The following ARHGEF3 variants were observed in gnomAD, a reference collection of about 807,000 sequenced individuals.
ARHGEF3 encodes the protein Rho guanine nucleotide exchange factor 3.
Under a neutral mutation model 63.2 loss-of-function variants are expected in ARHGEF3, and 28 were observed. The observed-to-expected ratio is 0.44, with a 90% CI of 0.33 to 0.61. The LOEUF (loss-of-function observed/expected upper bound fraction) is 0.61. ARHGEF3 is among the 20% of genes least tolerant of loss of function. The pLI is 0.03. For synonymous variants in ARHGEF3, 266 were observed against 254.2 expected (o/e 1.05, Z -0.44); for missense variants, 533 against 659.3 (o/e 0.81, Z 2.10).
At chr3:56,899,015 C>G (rs2041413315) in intron 3 of ARHGEF3, among the ~76,000 whole-genome samples, 1 of 152,220 alleles carries the variant, frequency 6.6e-6, no homozygotes, top group African/African-American at 2.4e-5. Flanking sequence ...GATTGCACCA[C>G]TGTACTCCAG....
chr3:56,732,086 A>G, intron 9 of ARHGEF3, 152 bp downstream of exon 9: 1 of 929,256 alleles, frequency 1.1e-6, no homozygotes, highest in South Asian at 1.6e-5. Flanking sequence ...CACAGGGACT[A>G]AACAAAGTAC....
intron 2 of ARHGEF3, among the ~76,000 whole-genome samples, chr3:57,010,956 G>C (rs1702673715): frequency 6.6e-6 from 1 of 152,184 alleles, no homozygotes; most frequent in Non-Finnish European, 1.5e-5. Context: ...AAACACAAAA[G>C]GGTGTTAACA....
Position 57,041,442 on chromosome 3 carries a change from C to G in ARHGEF3, c.-27-6266G>C, listed in dbSNP as rs943202736. Among the ~76,000 whole-genome samples, 12 of 152,322 alleles carry G rather than the reference C, an allele frequency of 7.9e-5. No individual in the cohort carries two copies. The East Asian group carries it at 2.3e-3, about 29-fold the overall frequency. ...ACCATCTGATTCCAGAGCCCATGCT[C>G]TTAAGCCAGACCCCACTCTGCTTCC... On this transcript the variant is annotated intron_variant, in intron 1 of 12. Coordinates refer to the ARHGEF3 transcript ENST00000338458.
In ARHGEF3 at chr3:56,863,256, G is replaced by A. The variant is rs1212694050; in HGVS notation, c.192+19036C>T. Among the ~76,000 whole-genome samples the A allele has an allele frequency of 4.0e-5, 6 of 151,334 alleles. 1 individual carries two copies. Among genetic ancestry groups the A allele is most frequent in the Admixed American group, 3.9e-4 (6 of 15,202 alleles). On this transcript the variant is annotated intron_variant, in intron 4 of 12. Transcript: ENST00000338458. ...ATGTTGAAGCAGTTCTCATGCCTCA[G>A]CCTTCCGAGTAGCTGGGATTCAGGT...
intron 3 of ARHGEF3, among the ~76,000 whole-genome samples, chr3:56,895,663 C>A (rs556112294): frequency 5.2e-4 from 79 of 152,186 alleles, no homozygotes; most frequent in African/African-American, 1.8e-3. Context: ...TGGAGTTTCA[C>A]TGTGTTAGCC....
rs772447002 is a variant in ARHGEF3, at chr3:56,882,285, TACTTAC to T, written c.192+1_192+6del. The T allele has an allele frequency of 3.2e-6, 5 of 1,551,510 alleles. No individual in the cohort carries two copies. In the African/African-American group the frequency reaches 6.8e-5, roughly 21 times the overall value. ...GTGCCAGTGGGGGAAGAAAGGACTA[TACTTAC>T]ACTTATGTCGAGACTGCAAAGGCTA... On this transcript the variant is annotated splice_donor_variant and splice_donor_5th_base_variant and intron_variant, in intron 4 of 12. Transcript: ENST00000338458. LOFTEE classifies it high-confidence loss of function.
intron 2 of ARHGEF3, among the ~76,000 whole-genome samples, chr3:56,999,192 G>C (rs2107007916): frequency 6.6e-6 from 1 of 152,150 alleles, no homozygotes; most frequent in East Asian, 1.9e-4. Flanking sequence ...CTGAGTAGCT[G>C]GGACTACAGG....
chr3:56,810,283 CCT>C (rs1038177046), intron 4 of ARHGEF3, among the ~76,000 whole-genome samples: 2 of 152,082 alleles, frequency 1.3e-5, no homozygotes, highest in African/African-American at 4.8e-5. Flanking sequence ...GTGGCTTACC[CCT>C]GTCATCTCAG....
intron 3 of ARHGEF3, among the ~76,000 whole-genome samples, chr3:56,924,659 T>G (rs1361756590): frequency 6.6e-6 from 1 of 152,216 alleles, no homozygotes; most frequent in Non-Finnish European, 1.5e-5. Flanking sequence ...GTTTGTAAAC[T>G]GTCATGGCAC....
intron 1 of ARHGEF3, among the ~76,000 whole-genome samples, chr3:56,787,090 G>A (rs2036856643): frequency 6.6e-6 from 1 of 152,158 alleles, no homozygotes; most frequent in Non-Finnish European, 1.5e-5. Context: ...CATCTACAGA[G>A]GGGAGGATTC....
At chr3:56,906,836 C>CAAA (rs573382270) in intron 3 of ARHGEF3, among the ~76,000 whole-genome samples, 2 of 96,796 alleles carry the variant, frequency 2.1e-5, no homozygotes, top group African/African-American at 7.7e-5. Flanking sequence ...GACTCTGTCT[C>CAAA]AAAAAAAAAA....
intron 2 of ARHGEF3, among the ~76,000 whole-genome samples, chr3:56,967,210 C>T (rs1578975103): frequency 7.3e-6 from 1 of 137,896 alleles, no homozygotes; most frequent in African/African-American, 2.7e-5. Context: ...TCATGTGAAC[C>T]ACATATGTAA....
chr3:56,916,679 A>G (rs2041999262), intron 3 of ARHGEF3, among the ~76,000 whole-genome samples: 1 of 152,226 alleles, frequency 6.6e-6, no homozygotes, highest in African/African-American at 2.4e-5. Flanking sequence ...AAGCAATGTG[A>G]AGCATCCCAT....
At chr3:56,767,424 A>G (rs1169381274) in intron 2 of ARHGEF3, among the ~76,000 whole-genome samples, 1 of 151,762 alleles carries the variant, frequency 6.6e-6, no homozygotes, top group Non-Finnish European at 1.5e-5. Context: ...CTACTAAAAA[A>G]TATTAAAAAA....
chr3:56,745,175 GAAGA>G lies in ARHGEF3; in HGVS notation c.870+26_870+29del, dbSNP rs761637444. On this transcript the variant is annotated intron_variant, in intron 7 of 9. Transcript: ENST00000296315. ...CCAGCCATTATGGTGGAAATAACAA[GAAGA>G]GAGAGAAGGAAACAGACAAACTTAC... 3.7e-6 allele frequency: 6 copies of G among 1,600,978 alleles called. No homozygotes were observed. The South Asian group carries it at 6.7e-5, about 18-fold the overall frequency.
intron 3 of ARHGEF3, among the ~76,000 whole-genome samples, chr3:56,922,203 G>A (rs1275974574): frequency 1.3e-5 from 2 of 152,072 alleles, no homozygotes; most frequent in African/African-American, 4.8e-5. Flanking sequence ...AGCACACAGG[G>A]GCCGCTTGCA....
intron 4 of ARHGEF3, among the ~76,000 whole-genome samples, chr3:56,839,350 T>A (rs1434572164): frequency 6.6e-6 from 1 of 152,142 alleles, no homozygotes; most frequent in Admixed American, 6.5e-5. Flanking sequence ...AATTTTTTTA[T>A]TTTCATTTTA....
At chr3:56,905,888 C>T (rs781464562) in intron 3 of ARHGEF3, among the ~76,000 whole-genome samples, 7 of 151,062 alleles carry the variant, frequency 4.6e-5, no homozygotes, top group South Asian at 2.1e-4. Context: ...TTTTTGGAGA[C>T]GGAGTCTCAC....
intron 1 of ARHGEF3, among the ~76,000 whole-genome samples, chr3:56,774,414 C>A (rs147023012): frequency 6.6e-6 from 1 of 151,998 alleles, no homozygotes; most frequent in Non-Finnish European, 1.5e-5. Flanking sequence ...TATAACCAGA[C>A]GGCAAAAGAA....
Sources: gnomAD v4.1 joint callset for allele counts (sites outside exome capture counted in the v4.1 genomes callset) on GRCh38, gnomAD v4.1.1 for gene constraint, MANE v1.5 for transcripts, NCBI Gene and HGNC (gene_info 2026-07-23, HGNC 2026-07-21) for gene names.